TCP11L1: variants seen among roughly 807,000 people sequenced by gnomAD.
The protein encoded by TCP11L1 is T-complex protein 11-like protein 1.
Under a neutral mutation model 48.9 loss-of-function variants are expected in TCP11L1, and 28 were observed. That is an observed-to-expected ratio of 0.57 (90% confidence interval 0.42 to 0.78). TCP11L1 has a LOEUF of 0.78. Ranked by LOEUF, TCP11L1 falls within the 30% of genes least tolerant of loss-of-function variation. The pLI, the probability that TCP11L1 is intolerant of heterozygous loss-of-function variation, is 0.00. For synonymous variants in TCP11L1, 204 were observed against 231.9 expected, an observed-to-expected ratio of 0.88 and a Z score of 1.09; for missense variants, 505 against 613.4, an observed-to-expected ratio of 0.82 and a Z score of 1.87.
At chr11:33,064,633 ACT>A (rs1854560822) in intron 7 of TCP11L1, among the ~76,000 whole-genome samples, 1 of 151,556 alleles carries the variant, frequency 6.6e-6, no homozygotes, top group African/African-American at 2.4e-5. Flanking sequence ...TGTCACTTCT[ACT>A]CTCTGTGCTT....
In TCP11L1 at chr11:33,039,619, C is replaced by A. The variant is rs1853767780; in HGVS notation, c.-198C>A. On this transcript the variant is annotated 5_prime_UTR_variant, in exon 1 of 10. Coordinates refer to ENST00000334274, the MANE Select transcript of TCP11L1 (RefSeq NM_018393.4). ...AGAAGCGGCCGCTCTGACCGCTGCCCACCCGAGTCGGGCTGGGAGGACCGC... is the reference window on the plus strand; with the variant it reads ...AGAAGCGGCCGCTCTGACCGCTGCCAACCCGAGTCGGGCTGGGAGGACCGC... 6.6e-6 allele frequency: 1 copy of A among 152,372 alleles called. No homozygotes were observed. The highest frequency in any genetic ancestry group is 1.9e-4 in the East Asian group (1 of 5,196). 9.4% of individuals were successfully genotyped at this position (152,372 alleles called of 1,614,324 possible). A position where few individuals can be genotyped will look rare whatever the true frequency, so the allele number is the denominator to read the frequency against.
intron 2 of TCP11L1, among the ~76,000 whole-genome samples, chr11:33,052,754 G>C (rs1258083201): frequency 6.6e-6 from 1 of 152,172 alleles, no homozygotes; most frequent in Admixed American, 6.5e-5. Context: ...ATTTTGGGAG[G>C]CTGAGGCAGG....
At position 33,066,011 on chromosome 11, in the gene TCP11L1, C is replaced by G; in HGVS notation, c.1154C>G (p.Pro385Arg). The change falls in exon 8 of 10, where the codon CCC becomes CGC. Residue 385 changes from proline (P) to arginine (R), a missense_variant and splice_region_variant. Transcript: ENST00000334274. ...ATTTTGCTAACAGATATGCACCTGC[C>G]GTAAGTGGAACTTTGATGCGTGGAT... ...VKILLTDMHL[P>R]SFHLKDVLTT... The G allele has an allele frequency of 1.9e-6, 3 of 1,613,760 alleles. No individual in the cohort carries two copies. The highest frequency in any genetic ancestry group is 2.5e-6 in the Non-Finnish European group (3 of 1,179,778).
intron 2 of TCP11L1, among the ~76,000 whole-genome samples, chr11:33,044,694 G>T (rs1030019932): frequency 7.2e-5 from 11 of 152,112 alleles, no homozygotes. Flanking sequence ...AGCCCTTCCC[G>T]GGCAATTTAT....
intron 8 of TCP11L1, among the ~76,000 whole-genome samples, chr11:33,067,688 G>A (rs1440624265): frequency 6.6e-6 from 1 of 152,122 alleles, no homozygotes; most frequent in African/African-American, 2.4e-5. Context: ...CACAGAGCTG[G>A]TGCCAATGGT....
chr11:33,047,031 T>C (rs1183709120), intron 2 of TCP11L1, among the ~76,000 whole-genome samples: 1 of 152,056 alleles, frequency 6.6e-6, no homozygotes. Flanking sequence ...GAGACCAACC[T>C]GGCCAACATG....
In TCP11L1 at chr11:33,058,950, T is replaced by G. The variant is rs11032133; in HGVS notation, c.639-9T>G. 6.2e-7 allele frequency: 1 copy of G among 1,608,388 alleles called. No homozygotes were observed. The highest frequency in any genetic ancestry group is 8.5e-7 in the Non-Finnish European group (1 of 1,177,900). ...CAAATGCTTGCTTCTAAATCCTTTT[T>G]TCTTTCAGAGAAATTTTTTCTGTGT... On this transcript the variant is annotated splice_polypyrimidine_tract_variant and intron_variant, in intron 5 of 9. Transcript: ENST00000334274.
In TCP11L1 at chr11:33,072,665, GTCCGA is replaced by G; in HGVS notation, c.1523_1527del (p.Arg508LeufsTer55). On this transcript the variant is annotated frameshift_variant, in exon 10 of 10. Transcript: ENST00000334274. LOFTEE classifies it high-confidence loss of function. ...CGATGCAATCCTGAGTAAGATCCTCGTCCGATCCTAACGTGTATGCACCCTACAGC... is the reference window on the plus strand; with the variant it reads ...CGATGCAATCCTGAGTAAGATCCTCGTCCTAACGTGTATGCACCCTACAGC... The G allele has an allele frequency of 6.2e-7, 1 of 1,614,062 alleles. No homozygotes were observed. The highest frequency in any genetic ancestry group is 8.5e-7 in the Non-Finnish European group (1 of 1,180,010).
rs934370704 is a variant in TCP11L1, at chr11:33,039,592, T to G, written c.-225T>G. On this transcript the variant is annotated 5_prime_UTR_variant, in exon 1 of 10. Coordinates refer to ENST00000334274, the MANE Select transcript of TCP11L1 (RefSeq NM_018393.4). ...AGAGCAGTCTCCTCCTTCCTGATGCTGAGAAGCGGCCGCTCTGACCGCTGC... is the reference window on the plus strand; with the variant it reads ...AGAGCAGTCTCCTCCTTCCTGATGCGGAGAAGCGGCCGCTCTGACCGCTGC... 15 of 152,322 alleles carry G rather than the reference T, an allele frequency of 9.8e-5. No individual in the cohort carries two copies. The highest frequency in any genetic ancestry group is 3.4e-4 in the African/African-American group (14 of 41,466). 9.4% of individuals were successfully genotyped at this position (152,322 alleles called of 1,614,324 possible).
chr11:33,063,845 T>C (rs1854534617), intron 7 of TCP11L1, among the ~76,000 whole-genome samples: 1 of 152,244 alleles, frequency 6.6e-6, no homozygotes, highest in African/African-American at 2.4e-5. Flanking sequence ...CCCCGTTTTG[T>C]GCTGGAGGAA....
rs562432141 is a variant in TCP11L1, at chr11:33,072,545, G to A, written c.1399G>A (p.Gly467Arg). 2 of 1,614,110 alleles carry A rather than the reference G, an allele frequency of 1.2e-6. No individual in the cohort carries two copies. The highest frequency in any genetic ancestry group is 2.7e-5 in the African/African-American group (2 of 75,022). The change falls in exon 10 of 10, where the codon GGG becomes AGG. Residue 467 changes from glycine (G) to arginine (R), a missense_variant. This residue lies in a region of TCP11L1 where 335 missense variants were observed against 413.3 expected (regional missense o/e 0.81). Coordinates refer to ENST00000334274, the MANE Select transcript of TCP11L1 (RefSeq NM_018393.4). ...GHQKPLPTVPGGLSPVQRELE... is the reference protein window; with the variant it reads ...GHQKPLPTVPRGLSPVQRELE... ...TCAGAAGCCATTGCCCACAGTCCCT[G>A]GGGGACTCAGTCCAGTTCAGAGAGA... is the stretch of plus-strand genomic sequence containing the variant.
At chr11:33,058,313 C>T (rs1854372555) in intron 5 of TCP11L1, among the ~76,000 whole-genome samples, 174 bp downstream of exon 5, 1 of 151,896 alleles carries the variant, frequency 6.6e-6, no homozygotes, top group South Asian at 2.1e-4. Flanking sequence ...ATTGTCGTGC[C>T]TCAGCCTCCT....
intron 6 of TCP11L1, among the ~76,000 whole-genome samples, chr11:33,060,417 G>A (rs897348309): frequency 2.6e-5 from 4 of 152,120 alleles, no homozygotes; most frequent in Admixed American, 6.5e-5. Context: ...AGTCATGACC[G>A]AGAGCTCAGG....
chr11:33,062,067 C>T (rs1006511825), intron 7 of TCP11L1, among the ~76,000 whole-genome samples: 1 of 151,676 alleles, frequency 6.6e-6, no homozygotes, highest in African/African-American at 2.4e-5. Flanking sequence ...GGCGACAGAG[C>T]GAGACTCTGT....
chr11:33,052,351 T>C (rs1449413998), intron 2 of TCP11L1, among the ~76,000 whole-genome samples: 4 of 152,244 alleles, frequency 2.6e-5, no homozygotes, highest in African/African-American at 9.6e-5. Flanking sequence ...TTCTTATTCA[T>C]ATTCTTTGGA....
intron 3 of TCP11L1, 148 bp downstream of exon 3, chr11:33,054,873 C>A: frequency 1.9e-6 from 2 of 1,051,886 alleles, no homozygotes; most frequent in Non-Finnish European, 2.7e-6. Flanking sequence ...AAGGAACAAC[C>A]TAAAAATCAA....
intron 2 of TCP11L1, among the ~76,000 whole-genome samples, chr11:33,046,704 T>G (rs1303109663): frequency 1.3e-5 from 2 of 152,208 alleles, no homozygotes; most frequent in Non-Finnish European, 2.9e-5. Context: ...CCTCATTATC[T>G]GGGCATCAGG....
intron 9 of TCP11L1, among the ~76,000 whole-genome samples, chr11:33,069,412 T>C (rs1401434238): frequency 6.6e-6 from 1 of 151,738 alleles, no homozygotes; most frequent in African/African-American, 2.4e-5. Flanking sequence ...AAATTTATAA[T>C]AAACTTGAAG....
intron 6 of TCP11L1, among the ~76,000 whole-genome samples, chr11:33,059,468 G>A (rs1435432058): frequency 6.6e-6 from 1 of 152,176 alleles, no homozygotes; most frequent in Non-Finnish European, 1.5e-5. Context: ...CTCCCTGTGT[G>A]GCACAGCAGG....
Sources: gnomAD v4.1 joint callset for allele counts (sites outside exome capture counted in the v4.1 genomes callset) on GRCh38, gnomAD v4.1.1 for gene constraint, gnomAD v4.1.1 regional missense constraint, MANE v1.5 for transcripts, NCBI Gene and HGNC (gene_info 2026-07-23, HGNC 2026-07-21) for gene names.